Variants in LPP observed in about 807,000 individuals in gnomAD.
LPP encodes lipoma-preferred partner.
LPP carries 38 observed loss-of-function variants against 60.4 expected under a neutral mutation model. That is an observed-to-expected ratio of 0.63 (90% CI 0.49 to 0.83). The LOEUF is 0.83. LPP is among the 40% of genes least tolerant of loss of function. LPP has a pLI of 0.00. For missense variants in LPP, 902 were observed against 783.6 expected (o/e 1.15, Z -1.80); for synonymous variants, 328 against 290.8 (o/e 1.13, Z -1.30).
At chr3:188,351,762 G>A (rs549956450) in intron 3 of LPP, among the ~76,000 whole-genome samples, 1 of 152,288 alleles carries the variant, frequency 6.6e-6, no homozygotes, top group South Asian at 2.1e-4. Flanking sequence ...GTAGGGCTCT[G>A]CAGAGTAGCA....
At chr3:188,613,926 T>TATTTATTTA (rs1412549897) in intron 7 of LPP, among the ~76,000 whole-genome samples, 9 of 150,412 alleles carry the variant, frequency 6.0e-5, no homozygotes, top group Non-Finnish European at 7.4e-5. Context: ...TTTATTTATT[T>TATTTATTTA]ATTTATTTAT....
At chr3:188,717,148 G>A (rs1714345723) in intron 8 of LPP, among the ~76,000 whole-genome samples, 1 of 152,210 alleles carries the variant, frequency 6.6e-6, no homozygotes, top group Non-Finnish European at 1.5e-5. Context: ...GTAAGTAGCA[G>A]AATTGCCCTG....
chr3:188,400,560 A>G (rs547884082), intron 3 of LPP, among the ~76,000 whole-genome samples: 40 of 152,294 alleles, frequency 2.6e-4, no homozygotes, highest in African/African-American at 7.7e-4. Context: ...AGGAGTTGAT[A>G]AGTGAAACCT....
At chr3:188,331,104 G>A in intron 2 of LPP, among the ~76,000 whole-genome samples, 1 of 151,954 alleles carries the variant, frequency 6.6e-6, no homozygotes, top group South Asian at 2.1e-4. Flanking sequence ...CCTGTTTTCT[G>A]CCTCCTTGTC....
chr3:188,609,248 A>G lies in LPP; in HGVS notation c.517A>G (p.Thr173Ala), dbSNP rs777467972. The G allele has an allele frequency of 1.2e-6, 2 of 1,613,956 alleles. No homozygotes were observed. The highest frequency in any genetic ancestry group is 1.7e-6 in the Non-Finnish European group (2 of 1,179,992). The change falls in exon 7 of 12, where the codon ACA becomes GCA. Residue 173 changes from threonine to alanine, a missense_variant. Coordinates refer to ENST00000617246, the MANE Select transcript of LPP (RefSeq NM_001375462.1). The surrounding 1 kb of genome is among the most constrained non-coding windows in gnomAD (Gnocchi z 6.9). ...GGTCATCCCGAACCAACCCCCTCTAACAGCAACCAAGAAGTCTACATTGAA... is the reference window on the plus strand; with the variant it reads ...GGTCATCCCGAACCAACCCCCTCTAGCAGCAACCAAGAAGTCTACATTGAA... ...RMVIPNQPPL[T>A]ATKKSTLKPQ...
chr3:188,281,571 TC>T (rs1358344042), intron 2 of LPP, among the ~76,000 whole-genome samples: 1 of 118,538 alleles, frequency 8.4e-6, no homozygotes, highest in African/African-American at 3.4e-5. Context: ...CCCACTGCAC[TC>T]CAGTCTGGGC....
At chr3:188,393,544 A>G (rs1193869106) in intron 3 of LPP, among the ~76,000 whole-genome samples, 2 of 152,194 alleles carry the variant, frequency 1.3e-5, no homozygotes, top group African/African-American at 4.8e-5. Context: ...TGATTATATG[A>G]GTTATCGTCA....
chr3:188,347,337 C>T (rs1447410583), intron 3 of LPP, among the ~76,000 whole-genome samples: 2 of 152,074 alleles, frequency 1.3e-5, no homozygotes, highest in Admixed American at 6.5e-5. Flanking sequence ...TATCATAATT[C>T]GTTAACTACG....
intron 2 of LPP, among the ~76,000 whole-genome samples, chr3:188,260,720 G>A (rs1037004191): frequency 2.0e-5 from 3 of 152,032 alleles, no homozygotes; most frequent in Admixed American, 1.3e-4. Flanking sequence ...TGAAATCAGA[G>A]GAACCGAAGT....
chr3:188,275,708 C>T (rs1739410887), intron 2 of LPP, among the ~76,000 whole-genome samples: 1 of 151,078 alleles, frequency 6.6e-6, no homozygotes, highest in Non-Finnish European at 1.5e-5. Context: ...GAAACGGAGT[C>T]TCTGTTGCCC....
rs112125542 is a variant in LPP at position 188,501,778 on chromosome 3, G to A, written c.306+17074G>A. On this transcript the variant is annotated intron_variant, in intron 5 of 11. Coordinates refer to ENST00000617246, the MANE Select transcript of LPP (RefSeq NM_001375462.1). ...CCAAAAAACAAAATATTAGCCGGGC[G>A]TGGTGGTGGGCACCTGTAATCCCAG... Among the ~76,000 whole-genome samples the A allele has an allele frequency of 5.4e-4, 82 of 151,696 alleles. 1 individual carries two copies. The highest frequency in any genetic ancestry group is 1.3e-3 in the African/African-American group (52 of 41,376).
chr3:188,502,080 T>C (rs1355147285), intron 5 of LPP, among the ~76,000 whole-genome samples: 1 of 152,214 alleles, frequency 6.6e-6, no homozygotes, highest in African/African-American at 2.4e-5. Flanking sequence ...GTTTATGGGC[T>C]TATTCATGTT....
At position 188,551,574 on chromosome 3, in the gene LPP, C is replaced by T. The variant is rs565635189; in HGVS notation, c.429+26787C>T. Among the ~76,000 whole-genome samples the T allele has an allele frequency of 1.0e-3, 157 of 152,242 alleles. 5 individuals are homozygous for T. In the South Asian group the frequency reaches 0.032, roughly 31 times the overall value. ...CCCATCTGTAAAATATGGACCTTCTCATAGGGAACTTACGTTTTAGTAGGG... is the reference window on the plus strand; with the variant it reads ...CCCATCTGTAAAATATGGACCTTCTTATAGGGAACTTACGTTTTAGTAGGG... On this transcript the variant is annotated intron_variant, in intron 6 of 11. Transcript: ENST00000617246.
chr3:188,154,206 G>GCCGCCA lies in LPP; in HGVS notation c.-231_-230insACCGCC. On this transcript the variant is annotated 5_prime_UTR_variant, in exon 1 of 12. Transcript: ENST00000617246. ...GCCTCCAGCCGCCGCCGCCGCCGCCGCCGCCGCCACCACCACCGCCGCTGC... is the reference window on the plus strand; with the variant it reads ...GCCTCCAGCCGCCGCCGCCGCCGCCGCCGCCACCGCCGCCACCACCACCGCCGCTGC... 4 of 222,808 alleles carry GCCGCCA rather than the reference G, an allele frequency of 1.8e-5. No homozygotes were observed. The highest frequency in any genetic ancestry group is 2.6e-5 in the Non-Finnish European group (3 of 115,312). 13.8% of individuals were successfully genotyped at this position (222,808 alleles called of 1,614,324 possible).
At chr3:188,484,543 A>C in intron 4 of LPP, 49 bp from the exon 5 acceptor site, 1 of 1,324,732 alleles carries the variant, frequency 7.5e-7, no homozygotes, top group Non-Finnish European at 1.1e-6. Flanking sequence ...CACGAGTACT[A>C]TAACGTTGCA....
chr3:188,415,768 G>A (rs545797952), intron 4 of LPP, among the ~76,000 whole-genome samples: 76 of 64,210 alleles, frequency 1.2e-3, no homozygotes, highest in African/African-American at 5.1e-3. Context: ...GACAGAAATG[G>A]GTGGGTCGGG....
At chr3:188,864,193 G>A (rs1188982582) in intron 9 of LPP, among the ~76,000 whole-genome samples, 1 of 152,164 alleles carries the variant, frequency 6.6e-6, no homozygotes, top group Non-Finnish European at 1.5e-5. Context: ...TGTGACCAGA[G>A]GCATACGAAG....
intron 2 of LPP, among the ~76,000 whole-genome samples, chr3:188,333,772 C>T (rs896147584): frequency 1.1e-4 from 17 of 152,040 alleles, no homozygotes; most frequent in South Asian, 4.2e-4. Flanking sequence ...TACATGTTTA[C>T]GGGGTACAGT....
chr3:188,459,884 T>C (rs1798607008), intron 4 of LPP, among the ~76,000 whole-genome samples: 1 of 152,170 alleles, frequency 6.6e-6, no homozygotes, highest in Admixed American at 6.6e-5. Flanking sequence ...GCCCTGGTTA[T>C]ATGTCCATGT....
Sources: gnomAD v4.1 joint callset for allele counts (sites outside exome capture counted in the v4.1 genomes callset) on GRCh38, gnomAD v4.1.1 for gene constraint, Gnocchi (gnomAD v3.1) non-coding constraint, MANE v1.5 for transcripts, NCBI Gene and HGNC (gene_info 2026-07-23, HGNC 2026-07-21) for gene names.